FREM1: variants seen among roughly 807,000 people sequenced by gnomAD.
FREM1 encodes the protein FRAS1-related extracellular matrix protein 1.
A neutral mutation model predicts 210.1 loss-of-function variants in FREM1; 220 were observed. The observed-to-expected ratio is 1.05, with a 90% CI of 0.94 to 1.17. The LOEUF is 1.17. Ranked by LOEUF, FREM1 falls within the 50% of genes most tolerant of loss-of-function variation. The pLI is 0.00. For synonymous variants in FREM1, 1,189 were observed against 980.2 expected, an observed-to-expected ratio of 1.21 and a Z score of -3.98; for missense variants, 3,454 against 2,675.5, an observed-to-expected ratio of 1.29 and a Z score of -6.42.
At chr9:14,803,146 CCCTT>C (rs756506120) in intron 19 of FREM1, among the ~76,000 whole-genome samples, 6 of 123,950 alleles carry the variant, frequency 4.8e-5, no homozygotes, top group African/African-American at 1.2e-4. Flanking sequence ...CTCCCTTTTC[CCCTT>C]CCTTCCTTCA....
intron 22 of FREM1, chr9:14,791,090 G>A (rs561516219): frequency 1.3e-5 from 2 of 152,226 alleles, no homozygotes; most frequent in South Asian, 4.2e-4. Context: ...ATTGCAATGG[G>A]GATGGTTGGT....
In FREM1 at chr9:14,766,702, C is replaced by T. The variant is rs148927534; in HGVS notation, c.5204+3022G>A. On this transcript the variant is annotated intron_variant, in intron 27 of 36. Transcript: ENST00000380880. ...CCCGTGCTCTAAAACAGGTCCATTT[C>T]TGTTCCAGATGGCACCCCGCAGTCC... Among the ~76,000 whole-genome samples the T allele has an allele frequency of 1.0e-3, 155 of 152,314 alleles. 6 individuals are homozygous for T. In the East Asian group the frequency reaches 0.026, roughly 26 times the overall value.
chr9:14,859,387 C>T lies in FREM1; in HGVS notation c.427G>A (p.Glu143Lys), dbSNP rs754626300. The change falls in exon 4 of 37, where the codon GAG (glutamate) becomes AAG (lysine). Residue 143 changes from glutamate to lysine, a missense_variant. Glu to Lys is a moderately conservative substitution (Grantham distance 56, BLOSUM62 1). Coordinates refer to ENST00000380880, the MANE Select transcript of FREM1 (RefSeq NM_001379081.2). ...NIIHMSNNVL[E>K]VPEFNGLSQA... ...GACAAGCCATTGAATTCAGGCACCT[C>T]CAGCACATTGTTACTCATATGGATG... 3 of 1,613,944 alleles carry T rather than the reference C, an allele frequency of 1.9e-6. No individual in the cohort carries two copies. Among genetic ancestry groups the T allele is most frequent in the Non-Finnish European group, 2.5e-6 (3 of 1,179,828 alleles).
chr9:14,796,592 T>C (rs1030512710), intron 21 of FREM1, among the ~76,000 whole-genome samples: 4 of 152,290 alleles, frequency 2.6e-5, no homozygotes, highest in Admixed American at 6.5e-5. Context: ...CTCCATGTGT[T>C]GTGGGAGGGA....
intron 29 of FREM1, among the ~76,000 whole-genome samples, chr9:14,755,446 C>T (rs1438054508): frequency 6.6e-6 from 1 of 152,158 alleles, no homozygotes; most frequent in Non-Finnish European, 1.5e-5. Context: ...AGCACAAAGC[C>T]ACAGTCCTGT....
At chr9:14,751,097 T>C (rs1843288227) in intron 29 of FREM1, among the ~76,000 whole-genome samples, 1 of 152,220 alleles carries the variant, frequency 6.6e-6, no homozygotes, top group African/African-American at 2.4e-5. Context: ...GACCAGTTTC[T>C]ATGATGTGGA....
At position 14,801,799 on chromosome 9, in the gene FREM1, G is replaced by T. The variant is rs758889526; in HGVS notation, c.3547C>A (p.Leu1183Met). The T allele has an allele frequency of 5.6e-6, 9 of 1,613,990 alleles. No homozygotes were observed. The highest frequency in any genetic ancestry group is 7.6e-6 in the Non-Finnish European group (9 of 1,179,892). The change falls in exon 20 of 37, where the codon CTG (leucine) becomes ATG (methionine). Residue 1183 changes from leucine (L) to methionine (M), a missense_variant. Physicochemically the swap from Leu to Met is conservative, Grantham distance 15. Transcript: ENST00000380880. ...AVDLDIPQDA[L>M]LFSITQKPRH... is the part of the protein sequence containing the mutation. ...GGCTTTTGAGTGATGCTGAACAGCA[G>T]GGCATCCTGGGGAATGTCCAGGTCC... is the stretch of plus-strand genomic sequence containing the variant.
chr9:14,807,479 A>G (rs1329549962), intron 17 of FREM1, among the ~76,000 whole-genome samples: 2 of 152,198 alleles, frequency 1.3e-5, no homozygotes, highest in East Asian at 3.8e-4. Context: ...CTATGAAAAG[A>G]TGACTTTCTA....
In FREM1 at chr9:14,819,372, G is replaced by T. The variant is rs7023244; in HGVS notation, c.2408C>A (p.Ser803Tyr). Residue 803 changes from serine (S) to tyrosine (Y), a missense_variant, in exon 14 of 37, where the codon TCT becomes TAT. Ser to Tyr is a moderately radical substitution (Grantham distance 144). Coordinates refer to ENST00000380880, the MANE Select transcript of FREM1 (RefSeq NM_001379081.2). ...ATTGTCCAGCTTGGTATCTGCATCA[G>T]AAATTAGAATGTGCTCTGTGCTGAT... ...SIISTEHILI[S>Y]DADTKLDNID... The T allele has an allele frequency of 0.23, 371,000 of 1,612,312 alleles. 44,479 individuals are homozygous for T. Among genetic ancestry groups the T allele is most frequent in the Middle Eastern group, 0.31 (1,907 of 6,060 alleles).
At chr9:14,757,029 A>C (rs546173738) in intron 28 of FREM1, among the ~76,000 whole-genome samples, 1 of 149,528 alleles carries the variant, frequency 6.7e-6, no homozygotes, top group African/African-American at 2.5e-5. Context: ...GAACCGGAAG[A>C]CCTGGTGAAC....
chr9:14,787,796 G>A lies in FREM1; in HGVS notation c.4177+1123C>T, dbSNP rs148691999. Reference sequence around the variant, plus strand: ...TGCCCTAATATATTACTTGTATTACGATTTGCCTGGACATACATTTATGAT... The same window carrying A: ...TGCCCTAATATATTACTTGTATTACAATTTGCCTGGACATACATTTATGAT... On this transcript the variant is annotated intron_variant, in intron 23 of 36. Transcript: ENST00000380880. Among the ~76,000 whole-genome samples the A allele has an allele frequency of 4.6e-3, 695 of 152,256 alleles. 4 individuals are homozygous for A. The highest frequency in any genetic ancestry group is 0.016 in the African/African-American group (672 of 41,542).
intron 3 of FREM1, among the ~76,000 whole-genome samples, chr9:14,860,404 A>G (rs28433528): frequency 0.068 from 10,349 of 151,710 alleles, 1,092 homozygotes; most frequent in African/African-American, 0.23. Flanking sequence ...CCTGCATTTC[A>G]TGTATACTCT....
chr9:14,769,791 C>G lies in FREM1; in HGVS notation c.5137G>C (p.Glu1713Gln), dbSNP rs1847192991. ...TILYIINPSL[E>Q]VNSDTVEFQI... ...AATTCCACGGTATCTGAATTTACTT[C>G]CAAAGATGGGTTTATGATGTAAAGA... Residue 1713 changes from glutamate (E) to glutamine (Q), a missense_variant, in exon 27 of 37, where the codon GAA (glutamate) becomes CAA (glutamine). Physicochemically the swap from Glu to Gln is conservative, Grantham distance 29. Transcript: ENST00000380880. 6.2e-7 allele frequency: 1 copy of G among 1,610,334 alleles called. No individual in the cohort carries two copies. The highest frequency in any genetic ancestry group is 1.3e-5 in the African/African-American group (1 of 74,788).
chr9:14,798,992 G>T (rs1588052682), intron 20 of FREM1, among the ~76,000 whole-genome samples: 1 of 151,416 alleles, frequency 6.6e-6, no homozygotes, highest in Non-Finnish European at 1.5e-5. Context: ...TTAAAAGTAA[G>T]AAGAGGCCAG....
At chr9:14,830,399 G>C (rs555526595) in intron 10 of FREM1, among the ~76,000 whole-genome samples, 2 of 152,262 alleles carry the variant, frequency 1.3e-5, no homozygotes, top group East Asian at 3.9e-4. Context: ...TTGAGCACTA[G>C]TTTTCTACTG....
intron 16 of FREM1, among the ~76,000 whole-genome samples, chr9:14,809,961 T>A (rs1256954479): frequency 6.6e-6 from 1 of 152,138 alleles, no homozygotes; most frequent in East Asian, 1.9e-4. Flanking sequence ...TTTTTACCTG[T>A]TAAATGGCAA....
intron 27 of FREM1, among the ~76,000 whole-genome samples, chr9:14,767,263 C>A (rs1382356509): frequency 2.0e-5 from 3 of 152,186 alleles, no homozygotes; most frequent in Admixed American, 6.5e-5. Context: ...AAAAATCCCA[C>A]TGAACTTTAA....
chr9:14,903,341 A>G (rs1839115649), intron 1 of FREM1, among the ~76,000 whole-genome samples: 1 of 152,332 alleles, frequency 6.6e-6, no homozygotes, highest in East Asian at 1.9e-4. Flanking sequence ...CTGATGAGGA[A>G]AGCAAAAGGC....
At chr9:14,773,189 C>T (rs1202560837) in intron 25 of FREM1, among the ~76,000 whole-genome samples, 1 of 152,144 alleles carries the variant, frequency 6.6e-6, no homozygotes, top group African/African-American at 2.4e-5. Flanking sequence ...ATTTTTCTCG[C>T]TCACCTGACC....
Sources: allele counts gnomAD v4.1 joint callset (sites outside exome capture counted in the v4.1 genomes callset), GRCh38; gene constraint gnomAD v4.1.1; transcripts MANE v1.5; gene names NCBI Gene and HGNC (gene_info 2026-07-23, HGNC 2026-07-21).